Variants in FAM135A observed in about 807,000 individuals in gnomAD.
The protein encoded by FAM135A is protein FAM135A.
In FAM135A, 79 loss-of-function variants were observed where a neutral mutation model predicts 146.8. The ratio of observed to expected loss-of-function variants is 0.54; its 90% CI spans 0.45 to 0.65. The LOEUF (loss-of-function observed/expected upper bound fraction) is 0.65. Ranked by LOEUF, FAM135A falls within the 30% of genes least tolerant of loss-of-function variation. The pLI is 0.00. For missense variants in FAM135A, 1,623 were observed against 1,758.2 expected (o/e 0.92, Z 1.38); for synonymous variants, 562 against 603.6 (o/e 0.93, Z 1.01).
At chr6:70,503,258 G>A (rs1445692034) in intron 12 of FAM135A, 1 of 152,580 alleles carries the variant, frequency 6.6e-6, no homozygotes, top group Non-Finnish European at 1.5e-5. Flanking sequence ...GTTTACTGTA[G>A]ACCTAGTATG....
intron 3 of FAM135A, among the ~76,000 whole-genome samples, chr6:70,427,601 A>C (rs1245327312): frequency 1.3e-5 from 2 of 152,218 alleles, no homozygotes; most frequent in Non-Finnish European, 2.9e-5. Context: ...TGAATAATTA[A>C]GTGAAATAAG....
intron 5 of FAM135A, among the ~76,000 whole-genome samples, chr6:70,470,362 CT>C (rs144416484): frequency 1.9e-4 from 29 of 151,338 alleles, no homozygotes; most frequent in Admixed American, 9.9e-4. Context: ...ACTATTACTT[CT>C]TTTTTTTTGG....
At chr6:70,424,346 G>T (rs1769543765) in intron 2 of FAM135A, among the ~76,000 whole-genome samples, 1 of 152,132 alleles carries the variant, frequency 6.6e-6, no homozygotes, top group Non-Finnish European at 1.5e-5. Flanking sequence ...AACATAATAG[G>T]ATTCTTTTAC....
chr6:70,538,884 T>C (rs2128431792), intron 20 of FAM135A, among the ~76,000 whole-genome samples: 1 of 133,006 alleles, frequency 7.5e-6, no homozygotes, highest in Admixed American at 7.3e-5. Context: ...TTTCTGAAAG[T>C]GTCAGAAACT....
chr6:70,523,820 G>T, intron 13 of FAM135A, 147 bp from the exon 14 acceptor site: 2 of 636,122 alleles, frequency 3.1e-6, no homozygotes, highest in Non-Finnish European at 5.0e-6. Flanking sequence ...AGTTTTTATC[G>T]CTGACCAAGC....
intron 2 of FAM135A, among the ~76,000 whole-genome samples, chr6:70,423,710 C>T (rs894878390): frequency 2.0e-5 from 3 of 152,192 alleles, no homozygotes; most frequent in Non-Finnish European, 4.4e-5. Flanking sequence ...GACCATTTGG[C>T]TAAAAGGAAG....
At chr6:70,471,933 T>G (rs2128139787) in intron 5 of FAM135A, among the ~76,000 whole-genome samples, 1 of 152,148 alleles carries the variant, frequency 6.6e-6, no homozygotes, top group Non-Finnish European at 1.5e-5. Context: ...GCTAGACTAG[T>G]TTTTGAAAAA....
At chr6:70,489,186 C>T (rs1160132529) in intron 10 of FAM135A, among the ~76,000 whole-genome samples, 1 of 151,986 alleles carries the variant, frequency 6.6e-6, no homozygotes, top group Non-Finnish European at 1.5e-5. Context: ...TTTTCTGTCA[C>T]AGGAAAAGAT....
At chr6:70,478,388 ACTAT>A (rs1783023188) in intron 8 of FAM135A, among the ~76,000 whole-genome samples, 3 of 152,160 alleles carry the variant, frequency 2.0e-5, no homozygotes, top group African/African-American at 4.8e-5. Flanking sequence ...TGATTTCTAA[ACTAT>A]CTACAATTTC....
rs77302820 is a variant in FAM135A, at chr6:70,414,267, C to T, written c.-220+565C>T. 1.4e-3 allele frequency among the ~76,000 whole-genome samples: 214 copies of T among 152,322 alleles called. No individual in the cohort carries two copies. In the East Asian group the frequency reaches 0.031, roughly 22 times the overall value. On this transcript the variant is annotated intron_variant, in intron 1 of 21. Transcript: ENST00000418814. ...CTTGGTTTTATTTTCCTCTCATCCA[C>T]CTCCTTTCGGTACTTCCTCCTGGTT... is the stretch of plus-strand genomic sequence containing the variant.
intron 12 of FAM135A, chr6:70,505,101 T>C (rs942192747): frequency 1.3e-5 from 2 of 152,088 alleles, no homozygotes; most frequent in Admixed American, 6.6e-5. Context: ...TGCATACATA[T>C]ATACTTACAT....
At chr6:70,539,298 C>G (rs77463134) in intron 20 of FAM135A, among the ~76,000 whole-genome samples, 8,857 of 151,292 alleles carry the variant, frequency 0.059, 715 homozygotes, top group African/African-American at 0.19. Flanking sequence ...GTTTGGCAAA[C>G]TTTTTTTTAA....
At chr6:70,523,837 C>G (rs1394071497) in intron 13 of FAM135A, 130 bp from the exon 14 acceptor site, 4 of 816,084 alleles carry the variant, frequency 4.9e-6, no homozygotes, top group Non-Finnish European at 7.4e-6. Flanking sequence ...AAGCAGCTCT[C>G]TCATAAGAAG....
intron 8 of FAM135A, among the ~76,000 whole-genome samples, chr6:70,480,128 A>G (rs1351404785): frequency 2.0e-5 from 3 of 152,186 alleles, no homozygotes; most frequent in Admixed American, 1.3e-4. Flanking sequence ...ATAATTGTGT[A>G]TGATTTTTCA....
intron 12 of FAM135A, among the ~76,000 whole-genome samples, chr6:70,521,782 G>C (rs1462313047): frequency 1.3e-5 from 2 of 152,184 alleles, no homozygotes; most frequent in Non-Finnish European, 2.9e-5. Context: ...AAATGAAAGG[G>C]TTAAAATACA....
In FAM135A at chr6:70,480,902, T is replaced by C. The variant is rs918576455; in HGVS notation, c.544T>C (p.Phe182Leu). ...ATAATGTAATACTTCTTCCTCCAGC[T>C]TTCCTCGCCCTGTGAAGACAACTTG... ...LVALHQPLIS[F>L]PRPVKTTWLN... Residue 182 changes from phenylalanine to leucine, a missense_variant and splice_region_variant, in exon 9 of 22, where the codon TTT becomes CTT. By Grantham distance (22) the Phe-to-Leu change is conservative. Transcript: ENST00000418814. 5.0e-6 allele frequency: 8 copies of C among 1,605,476 alleles called. No individual in the cohort carries two copies. In the Admixed American group the frequency reaches 6.9e-5, roughly 14 times the overall value.
At chr6:70,519,787 CTG>C (rs1480339846) in intron 12 of FAM135A, among the ~76,000 whole-genome samples, 5 of 152,136 alleles carry the variant, frequency 3.3e-5, no homozygotes, top group Non-Finnish European at 5.9e-5. Flanking sequence ...CACTGGGAAA[CTG>C]AAAAAATTCA....
At chr6:70,419,261 A>T (rs1393468411) in intron 2 of FAM135A, among the ~76,000 whole-genome samples, 1 of 152,154 alleles carries the variant, frequency 6.6e-6, no homozygotes, top group Non-Finnish European at 1.5e-5. Flanking sequence ...TGTACTAAAA[A>T]TACAAAAATT....
At chr6:70,466,304 G>T (rs562305333) in intron 5 of FAM135A, among the ~76,000 whole-genome samples, 1 of 152,138 alleles carries the variant, frequency 6.6e-6, no homozygotes, top group African/African-American at 2.4e-5. Flanking sequence ...TACCCCTCTT[G>T]ACGTTTGTGT....
Sources: gnomAD v4.1 joint callset for allele counts (sites outside exome capture counted in the v4.1 genomes callset) on GRCh38, gnomAD v4.1.1 for gene constraint, MANE v1.5 for transcripts, NCBI Gene and HGNC (gene_info 2026-07-23, HGNC 2026-07-21) for gene names.